The following ZNF804B variants were observed in gnomAD, a reference collection of about 807,000 sequenced individuals.
ZNF804B encodes zinc finger protein 804B.
In ZNF804B, 80 loss-of-function variants were observed where a neutral mutation model predicts 101.4. The ratio of observed to expected loss-of-function variants is 0.79; its 90% confidence interval spans 0.66 to 0.95. The LOEUF (loss-of-function observed/expected upper bound fraction) is 0.95. ZNF804B is among the 40% of genes least tolerant of loss of function. The probability of loss-of-function intolerance (pLI) is 0.00; values close to 1 mark genes in which losing one functional copy is unlikely to be tolerated. For synonymous variants in ZNF804B, 622 were observed against 558.8 expected (o/e 1.11, Z -1.59); for missense variants, 1,673 against 1,561.9 (o/e 1.07, Z -1.20).
intron 2 of ZNF804B, among the ~76,000 whole-genome samples, chr7:89,290,820 C>T (rs1790276961): frequency 6.6e-6 from 1 of 152,088 alleles, no homozygotes; most frequent in South Asian, 2.1e-4. Flanking sequence ...GTAGTAGTTA[C>T]AGTGAGCCTT....
At chr7:89,226,215 T>C (rs1789086539) in intron 2 of ZNF804B, among the ~76,000 whole-genome samples, 1 of 152,146 alleles carries the variant, frequency 6.6e-6, no homozygotes, top group African/African-American at 2.4e-5. Flanking sequence ...TTGATTATTA[T>C]GAAAAGGCTT....
At chr7:89,217,672 T>C (rs1370437859) in intron 1 of ZNF804B, among the ~76,000 whole-genome samples, 1 of 152,170 alleles carries the variant, frequency 6.6e-6, no homozygotes, top group African/African-American at 2.4e-5. Context: ...GAACTGATGC[T>C]TGTGGAGGAG....
At chr7:89,003,439 A>G (rs1299915424) in intron 1 of ZNF804B, among the ~76,000 whole-genome samples, 3 of 152,018 alleles carry the variant, frequency 2.0e-5, no homozygotes, top group Non-Finnish European at 4.4e-5. Flanking sequence ...AACTTGCCCA[A>G]TGTATGTAAG....
chr7:89,310,992 G>T (rs1466848199), intron 2 of ZNF804B, among the ~76,000 whole-genome samples: 2 of 151,866 alleles, frequency 1.3e-5, no homozygotes, highest in Non-Finnish European at 1.5e-5. Flanking sequence ...TTAATTTTTG[G>T]GGCCTAGTGC....
rs546327412 is a variant in ZNF804B, at chr7:89,058,452, T to A, written c.109-159703T>A. Among the ~76,000 whole-genome samples, 28 of 152,266 alleles carry A rather than the reference T, an allele frequency of 1.8e-4. No individual in the cohort carries two copies. In the East Asian group the frequency reaches 4.8e-3, roughly 26 times the overall value. On this transcript the variant is annotated intron_variant, in intron 1 of 3. Coordinates refer to ENST00000333190, the MANE Select transcript of ZNF804B (RefSeq NM_181646.5). ...CAATGGATTTTACTTTCTACACCTT[T>A]GATTATTATTTTAACTATAATATAC...
chr7:89,171,343 CTT>C (rs1562904527), intron 1 of ZNF804B, among the ~76,000 whole-genome samples: 30 of 132,364 alleles, frequency 2.3e-4, no homozygotes, highest in East Asian at 2.0e-3. Context: ...TCTTCTTCTT[CTT>C]CTTCTTCTTC....
intron 1 of ZNF804B, among the ~76,000 whole-genome samples, chr7:89,091,512 C>T (rs1330044305): frequency 1.3e-5 from 2 of 151,940 alleles, no homozygotes; most frequent in Non-Finnish European, 1.5e-5. Context: ...GATAACTAGC[C>T]TCAGGAAAGC....
At position 88,922,228 on chromosome 7, in the gene ZNF804B, C is replaced by T. The variant is rs1382077319; in HGVS notation, c.108+162144C>T. On this transcript the variant is annotated intron_variant, in intron 1 of 3. Transcript: ENST00000333190. Reference sequence around the variant, plus strand: ...GATGTGCATTTGTTACTCATTTTATCGCTATTAGCTTTTACTACTGGAAAA... The same window carrying T: ...GATGTGCATTTGTTACTCATTTTATTGCTATTAGCTTTTACTACTGGAAAA... Among the ~76,000 whole-genome samples, 5 of 151,916 alleles carry T rather than the reference C, an allele frequency of 3.3e-5. No homozygotes were observed. In the South Asian group the frequency reaches 6.2e-4, roughly 19 times the overall value.
intron 1 of ZNF804B, among the ~76,000 whole-genome samples, chr7:88,857,769 A>G (rs377217144): frequency 1.3e-5 from 2 of 150,874 alleles, no homozygotes; most frequent in Non-Finnish European, 2.9e-5. Flanking sequence ...TGAGGCCAGC[A>G]TAATCCTGAT....
chr7:88,919,268 A>G (rs1792684432), intron 1 of ZNF804B, among the ~76,000 whole-genome samples: 1 of 152,274 alleles, frequency 6.6e-6, no homozygotes, highest in Non-Finnish European at 1.5e-5. Context: ...AAAATAAAAC[A>G]TCTTAAAATA....
intron 1 of ZNF804B, among the ~76,000 whole-genome samples, chr7:89,167,725 G>A (rs1210149635): frequency 6.6e-6 from 1 of 152,086 alleles, no homozygotes. Flanking sequence ...CAGCTCAGGT[G>A]AAACTGCAAA....
chr7:89,134,692 T>C (rs370706032), intron 1 of ZNF804B, among the ~76,000 whole-genome samples: 3 of 152,266 alleles, frequency 2.0e-5, no homozygotes, highest in East Asian at 3.9e-4. Flanking sequence ...TTCTGGAAGA[T>C]GCTAGTGCTT....
intron 1 of ZNF804B, among the ~76,000 whole-genome samples, chr7:88,847,880 C>A (rs1022280884): frequency 1.3e-5 from 2 of 152,066 alleles, no homozygotes; most frequent in African/African-American, 4.8e-5. Context: ...AATATGGATA[C>A]AAGTTCTTTA....
chr7:89,190,604 C>T (rs115626009), intron 1 of ZNF804B, among the ~76,000 whole-genome samples: 5,130 of 152,116 alleles, frequency 0.034, 165 homozygotes, highest in South Asian at 0.08. Flanking sequence ...ACTCCAAATT[C>T]GAAAGAAGTT....
intron 1 of ZNF804B, among the ~76,000 whole-genome samples, chr7:88,809,304 CATCTATCTATCTATCTATCTATCTATCT>C (rs58545685): frequency 3.2e-4 from 48 of 148,144 alleles, no homozygotes; most frequent in East Asian, 8.0e-4. Flanking sequence ...TATTGCTTGT[CATCTATCTATCTATCTATCTATCTATCT>C]ATCTATCTAT....
chr7:89,249,868 G>A (rs1789512665), intron 2 of ZNF804B, among the ~76,000 whole-genome samples: 1 of 152,064 alleles, frequency 6.6e-6, no homozygotes, highest in Non-Finnish European at 1.5e-5. Context: ...TGAAGAATAA[G>A]TAGGATTGAT....
intron 1 of ZNF804B, among the ~76,000 whole-genome samples, chr7:89,165,749 G>C (rs546004554): frequency 6.6e-6 from 1 of 152,124 alleles, no homozygotes; most frequent in East Asian, 1.9e-4. Context: ...CCGGGAACCA[G>C]AATTAAAAGG....
rs533735477 is a variant in ZNF804B at position 88,894,493 on chromosome 7, T to G, written c.108+134409T>G. Among the ~76,000 whole-genome samples the G allele has an allele frequency of 5.3e-5, 8 of 152,242 alleles. No individual in the cohort carries two copies. The South Asian group carries it at 8.3e-4, about 16-fold the overall frequency. ...TCCCAAAGTGCTGGGATTACAGATGTGAGCCACCGCCCCTGGCCCAATCAT... is the reference window on the plus strand; with the variant it reads ...TCCCAAAGTGCTGGGATTACAGATGGGAGCCACCGCCCCTGGCCCAATCAT... On this transcript the variant is annotated intron_variant, in intron 1 of 3. Transcript: ENST00000333190.
intron 1 of ZNF804B, among the ~76,000 whole-genome samples, chr7:88,875,719 T>C (rs1176405589): frequency 4.6e-5 from 7 of 152,128 alleles, no homozygotes; most frequent in Non-Finnish European, 1.5e-5. Flanking sequence ...ACAGCCGAAT[T>C]CTACCAGAGG....
Sources: allele counts gnomAD v4.1 joint callset (sites outside exome capture counted in the v4.1 genomes callset), GRCh38; gene constraint gnomAD v4.1.1; transcripts MANE v1.5; gene names NCBI Gene and HGNC (gene_info 2026-07-23, HGNC 2026-07-21).